C4orf17: variants seen among roughly 807,000 people sequenced by gnomAD.
C4orf17 encodes the protein chromosome 4 open reading frame 17, also known as uncharacterized protein C4orf17.
Under a neutral mutation model 32.0 loss-of-function variants are expected in C4orf17, and 25 were observed. The observed-to-expected ratio is 0.78, with a 90% CI of 0.57 to 1.09. C4orf17 has a LOEUF of 1.09. C4orf17 is among the 50% of genes least tolerant of loss of function. The probability of loss-of-function intolerance (pLI) is 0.00; values close to 1 mark genes in which losing one functional copy is unlikely to be tolerated. For synonymous variants in C4orf17, 149 were observed against 145.8 expected (o/e 1.02, Z -0.16); for missense variants, 420 against 420.0 (o/e 1.00, Z 0.00).
chr4:99,522,393 C>T (rs1723301438), intron 2 of C4orf17, 107 bp from the exon 3 acceptor site: 1 of 852,458 alleles, frequency 1.2e-6, no homozygotes, highest in Non-Finnish European at 1.8e-6. Flanking sequence ...ATTTTACATA[C>T]ATTTAATGAT....
chr4:99,528,543 C>G (rs74491524), intron 4 of C4orf17, among the ~76,000 whole-genome samples: 3,733 of 152,242 alleles, frequency 0.025, 153 homozygotes, highest in African/African-American at 0.085. Context: ...TGACTCATGA[C>G]TCAATTGCTG....
In C4orf17 at chr4:99,516,522, G is replaced by A. The variant is rs115225868; in HGVS notation, c.127+3314G>A. The stretch of plus-strand genomic sequence containing the variant: ...CATTTATTTGCAATGAAAATATAGC[G>A]AAGAGCCTGCCCTCAGGAGCTGGAC... On this transcript the variant is annotated intron_variant, in intron 2 of 8. Transcript: ENST00000326581. 5.1e-3 allele frequency among the ~76,000 whole-genome samples: 772 copies of A among 152,244 alleles called. 14 individuals carry two copies. Among genetic ancestry groups the A allele is most frequent in the South Asian group, 0.044 (211 of 4,820 alleles).
rs1194140956 is a variant in C4orf17, at chr4:99,511,226, C to T, written c.-140C>T. 1 of 152,164 alleles carries T rather than the reference C, an allele frequency of 6.6e-6. No individual in the cohort carries two copies. Among genetic ancestry groups the T allele is most frequent in the Non-Finnish European group, 1.5e-5 (1 of 68,012 alleles). 9.4% of individuals were successfully genotyped at this position (152,164 alleles called of 1,614,324 possible). A position where few individuals can be genotyped will look rare whatever the true frequency, so the allele number is the denominator to read the frequency against. ...ATGAGGCTGGGAGGGTATCAACAGA[C>T]TTGAGTTCTTGTCAGCAAGATCACC... On this transcript the variant is annotated 5_prime_UTR_variant, in exon 1 of 9. Transcript: ENST00000326581.
chr4:99,535,546 A>G (rs1298049320), intron 5 of C4orf17, among the ~76,000 whole-genome samples: 5 of 152,002 alleles, frequency 3.3e-5, no homozygotes, highest in Admixed American at 2.0e-4. Context: ...AATACTTACA[A>G]TTACATTGTA....
At chr4:99,531,596 A>G (rs1723477114) in intron 5 of C4orf17, among the ~76,000 whole-genome samples, 1 of 152,106 alleles carries the variant, frequency 6.6e-6, no homozygotes, top group South Asian at 2.1e-4. Context: ...ACACACTAAA[A>G]TATAAACTCT....
At chr4:99,512,886 A>G (rs886725993) in intron 1 of C4orf17, 103 bp from the exon 2 acceptor site, 9 of 589,648 alleles carry the variant, frequency 1.5e-5, no homozygotes, top group Admixed American at 6.2e-5. Context: ...TTGCTGTAAC[A>G]TGAGAAACAA....
At chr4:99,518,234 C>T (rs1409158413) in intron 2 of C4orf17, among the ~76,000 whole-genome samples, 1 of 151,726 alleles carries the variant, frequency 6.6e-6, no homozygotes, top group East Asian at 1.9e-4. Flanking sequence ...CATAGAACAA[C>T]CAGAAAGATC....
At chr4:99,512,106 C>T (rs566913004) in intron 1 of C4orf17, among the ~76,000 whole-genome samples, 146 of 152,116 alleles carry the variant, frequency 9.6e-4, no homozygotes, top group Non-Finnish European at 1.8e-3. Flanking sequence ...ATTTCTAGAA[C>T]ATGAACATTT....
chr4:99,522,417 ATTG>A, intron 2 of C4orf17, 80 bp from the exon 3 acceptor site: 1 of 1,058,394 alleles, frequency 9.4e-7, no homozygotes, highest in Non-Finnish European at 1.4e-6. Context: ...TGGTTGGGAA[ATTG>A]TTGATCATTC....
At chr4:99,522,129 A>G (rs1361049762) in intron 2 of C4orf17, among the ~76,000 whole-genome samples, 1 of 152,174 alleles carries the variant, frequency 6.6e-6, no homozygotes, top group African/African-American at 2.4e-5. Context: ...TCTGGCATTC[A>G]TGAAGAGAGC....
intron 5 of C4orf17, among the ~76,000 whole-genome samples, chr4:99,535,247 G>A (rs115978030): frequency 6.6e-6 from 1 of 152,088 alleles, no homozygotes; most frequent in Non-Finnish European, 1.5e-5. Context: ...TATCTTACCA[G>A]GGTTCTCCAG....
rs1459532034 is a variant in C4orf17 at position 99,541,929 on chromosome 4, A to T, written c.900A>T (p.Pro300=). The change falls in exon 9 of 9, where the codon CCA becomes CCT. Residue 300 remains proline, a synonymous_variant. Transcript: ENST00000326581. The part of the protein sequence containing the change: ...EVPKEAEHKP[P]LLIRRNNMKI... ...TTTCAGAGGCTGAGCACAAGCCTCC[A>T]CTACTTATAAGAAGAAATAATATGA... The T allele has an allele frequency of 6.2e-7, 1 of 1,613,530 alleles. No individual in the cohort carries two copies.
At chr4:99,520,978 G>A (rs1487014599) in intron 2 of C4orf17, among the ~76,000 whole-genome samples, 10 of 152,126 alleles carry the variant, frequency 6.6e-5, no homozygotes, top group Admixed American at 3.3e-4. Context: ...AATCAGAAAT[G>A]TAAAATCATT....
At chr4:99,511,701 A>G (rs1026562835) in intron 1 of C4orf17, among the ~76,000 whole-genome samples, 1 of 152,094 alleles carries the variant, frequency 6.6e-6, no homozygotes, top group Admixed American at 6.6e-5. Context: ...TTTCCCCTCA[A>G]TACAAGTAAA....
chr4:99,527,743 C>T (rs539488358), intron 4 of C4orf17, among the ~76,000 whole-genome samples: 25 of 152,164 alleles, frequency 1.6e-4, no homozygotes, highest in Middle Eastern at 3.2e-3. Flanking sequence ...TGGGGACCCT[C>T]GTTCTATAGC....
Position 99,542,230 on chromosome 4 carries a change from T to C in C4orf17, c.*121T>C, listed in dbSNP as rs963847816. ...AAGTGGTCCTCTTTATGGTGGCACA[T>C]GTAAATCTAAAAATACCTGTATGTA... On this transcript the variant is annotated 3_prime_UTR_variant, in exon 9 of 9. Transcript: ENST00000326581. The C allele has an allele frequency of 5.1e-6, 4 of 785,692 alleles. No homozygotes were observed. Among genetic ancestry groups the C allele is most frequent in the Non-Finnish European group, 8.5e-6 (4 of 468,288 alleles). The allele number at this position is 785,692 out of a possible 1,614,324, so 48.7% of individuals were successfully genotyped here.
intron 7 of C4orf17, among the ~76,000 whole-genome samples, chr4:99,539,975 G>A (rs913018243): frequency 6.6e-6 from 1 of 152,052 alleles, no homozygotes; most frequent in Admixed American, 6.5e-5. Flanking sequence ...GTGAAAGAAT[G>A]TGTGGTAGGA....
chr4:99,522,690 G>A lies in C4orf17; in HGVS notation c.318G>A (p.Val106=), dbSNP rs376797865. ...GMSPAPNGAK[V]PPRPHSEPSR... is the part of the protein sequence containing the mutation. ...CGCCAGCCCCAAACGGTGCCAAAGT[G>A]CCTCCACGGCCTCATTCTGGTGAGT... Residue 106 remains valine, a synonymous_variant, in exon 3 of 9, where the codon GTG becomes GTA. Transcript: ENST00000326581. 3.7e-6 allele frequency: 6 copies of A among 1,613,360 alleles called. No individual in the cohort carries two copies. The highest frequency in any genetic ancestry group is 1.1e-5 in the South Asian group (1 of 91,028).
rs1723637560 is a variant in C4orf17, at chr4:99,540,532, T to G, written c.880+77T>G. ...TACTAATGACTCAGGGAACAGATTT[T>G]AAGGATCAGTGCTTTTAAAAAAACA... is the stretch of plus-strand genomic sequence containing the variant. On this transcript the variant is annotated intron_variant, in intron 8 of 8. Coordinates refer to ENST00000326581, the MANE Select transcript of C4orf17 (RefSeq NM_032149.3). 13 of 923,512 alleles carry G rather than the reference T, an allele frequency of 1.4e-5. No homozygotes were observed. The South Asian group carries it at 1.9e-4, about 13-fold the overall frequency. The allele number at this position is 923,512 out of a possible 1,614,324, so 57.2% of individuals were successfully genotyped here.
Sources: allele counts gnomAD v4.1 joint callset (sites outside exome capture counted in the v4.1 genomes callset), GRCh38; gene constraint gnomAD v4.1.1; transcripts MANE v1.5; gene names NCBI Gene and HGNC (gene_info 2026-07-23, HGNC 2026-07-21).